The following KCTD1 variants were observed in gnomAD, a reference collection of about 807,000 sequenced individuals.
KCTD1 encodes BTB/POZ domain-containing protein KCTD1.
A neutral mutation model predicts 66.0 loss-of-function variants in KCTD1; 24 were observed. That is an observed-to-expected ratio of 0.36 (90% confidence interval 0.26 to 0.51). The LOEUF is 0.51. KCTD1 is among the 20% of genes least tolerant of loss of function. The pLI is 0.95. For synonymous variants in KCTD1, 511 were observed against 517.2 expected, an observed-to-expected ratio of 0.99 and a Z score of 0.16; for missense variants, 943 against 1,205.2, an observed-to-expected ratio of 0.78 and a Z score of 3.22.
At chr18:26,586,544 G>C (rs1226343189) in intron 1 of KCTD1, among the ~76,000 whole-genome samples, 2 of 152,300 alleles carry the variant, frequency 1.3e-5, no homozygotes, top group East Asian at 3.9e-4. Context: ...TAAAAAACTA[G>C]AAATGATGAA....
chr18:26,587,512 T>C (rs1986497457), intron 1 of KCTD1, among the ~76,000 whole-genome samples: 1 of 152,220 alleles, frequency 6.6e-6, no homozygotes, highest in South Asian at 2.1e-4. Flanking sequence ...TCTTATTATT[T>C]AAGAAATCCA....
intron 1 of KCTD1, among the ~76,000 whole-genome samples, chr18:26,537,098 G>A (rs567286525): frequency 2.0e-5 from 3 of 152,096 alleles, no homozygotes; most frequent in Non-Finnish European, 2.9e-5. Context: ...AGCATAATCA[G>A]CTTTCTAATG....
At chr18:26,584,405 T>C (rs1986425838) in intron 1 of KCTD1, among the ~76,000 whole-genome samples, 1 of 152,256 alleles carries the variant, frequency 6.6e-6, no homozygotes, top group African/African-American at 2.4e-5. Flanking sequence ...AATGTATTAA[T>C]AAAATTAATT....
At chr18:26,570,191 A>T (rs866723127) in intron 1 of KCTD1, among the ~76,000 whole-genome samples, 320 of 132,550 alleles carry the variant, frequency 2.4e-3, no homozygotes, top group African/African-American at 8.1e-3. Flanking sequence ...ATCTAAAAAA[A>T]ATATATATAT....
intron 1 of KCTD1, among the ~76,000 whole-genome samples, chr18:26,612,978 A>T (rs1987169126): frequency 1.3e-5 from 2 of 152,062 alleles, no homozygotes; most frequent in African/African-American, 4.8e-5. Context: ...TTTGATTTTT[A>T]ATTGTACAGT....
At chr18:26,525,456 C>T (rs1182385257) in intron 1 of KCTD1, among the ~76,000 whole-genome samples, 1 of 152,196 alleles carries the variant, frequency 6.6e-6, no homozygotes, top group Non-Finnish European at 1.5e-5. Context: ...CAACTAACTG[C>T]TCCACCTCAC....
chr18:26,657,113 C>T (rs554609894), intron 1 of KCTD1, among the ~76,000 whole-genome samples: 5 of 151,828 alleles, frequency 3.3e-5, no homozygotes, highest in Non-Finnish European at 7.4e-5. Flanking sequence ...CTCCGCCCTG[C>T]TCTCGCCAGC....
intron 1 of KCTD1, among the ~76,000 whole-genome samples, chr18:26,553,996 TAAAA>T (rs1048072429): frequency 1.5e-4 from 13 of 88,996 alleles, no homozygotes; most frequent in African/African-American, 4.5e-4. Context: ...AAAGAAAAGA[TAAAA>T]AGAAAAAAGA....
intron 1 of KCTD1, among the ~76,000 whole-genome samples, chr18:26,589,885 A>G (rs1986557389): frequency 6.6e-6 from 1 of 152,168 alleles, no homozygotes; most frequent in Non-Finnish European, 1.5e-5. Context: ...GGGAAGAAAC[A>G]GCATCTTCTC....
At chr18:26,480,929 C>T (rs1206732120) in intron 2 of KCTD1, among the ~76,000 whole-genome samples, 1 of 152,136 alleles carries the variant, frequency 6.6e-6, no homozygotes, top group Non-Finnish European at 1.5e-5. Context: ...AAAGAATGGT[C>T]TTAAGTCAAA....
Position 26,575,117 on chromosome 18 carries a change from G to C in KCTD1, c.-16+54030C>G, listed in dbSNP as rs369238588. Among the ~76,000 whole-genome samples the C allele has an allele frequency of 1.4e-3, 217 of 152,186 alleles. 8 individuals are homozygous for C. The South Asian group carries it at 0.044, about 31-fold the overall frequency. ...ACATCCATCTTGTCTTAAATGCTGA[G>C]ACTCCTGTTGCAGAAAGAAACAGGT... On this transcript the variant is annotated intron_variant, in intron 1 of 4. Coordinates refer to the KCTD1 transcript ENST00000317932.
At chr18:26,602,040 G>T (rs1301075969) in intron 1 of KCTD1, among the ~76,000 whole-genome samples, 3 of 152,090 alleles carry the variant, frequency 2.0e-5, no homozygotes, top group Non-Finnish European at 4.4e-5. Flanking sequence ...GAATGGAAGT[G>T]ATGAGAACAG....
In KCTD1 at chr18:26,455,334, C is replaced by CAA. The variant is rs1239350515; in HGVS notation, c.*407_*408dup. 1.3e-5 allele frequency: 2 copies of CAA among 152,454 alleles called. No individual in the cohort carries two copies. The highest frequency in any genetic ancestry group is 4.8e-5 in the African/African-American group (2 of 41,288). 9.4% of individuals were successfully genotyped at this position (152,454 alleles called of 1,614,324 possible). A position where few individuals can be genotyped will look rare whatever the true frequency, so the allele number is the denominator to read the frequency against. On this transcript the variant is annotated 3_prime_UTR_variant, in exon 5 of 5. Coordinates refer to ENST00000580059, the MANE Select transcript of KCTD1 (RefSeq NM_001142730.3). ...TTTAAAAAAAAAGGAAAAAGAAAGACAAAGGAAAAAAGAAATATGGATGGC... is the reference window on the plus strand; with the variant it reads ...TTTAAAAAAAAAGGAAAAAGAAAGACAAAAAGGAAAAAAGAAATATGGATGGC...
chr18:26,625,821 T>G (rs542004483), intron 1 of KCTD1, among the ~76,000 whole-genome samples: 1 of 152,278 alleles, frequency 6.6e-6, no homozygotes, highest in African/African-American at 2.4e-5. Context: ...CCTAACAGGA[T>G]CCAGCATTTC....
intron 1 of KCTD1, among the ~76,000 whole-genome samples, chr18:26,528,486 G>T (rs1794655037): frequency 6.6e-6 from 1 of 152,084 alleles, no homozygotes; most frequent in Non-Finnish European, 1.5e-5. Flanking sequence ...TTCTAAACAG[G>T]TTCAGGTCCT....
intron 1 of KCTD1, among the ~76,000 whole-genome samples, chr18:26,593,412 G>C (rs1272830201): frequency 2.8e-5 from 3 of 106,854 alleles, no homozygotes; most frequent in Non-Finnish European, 6.0e-5. Context: ...AGATGAGGAG[G>C]AGAAGGAAGA....
At chr18:26,501,034 T>C (rs765901384) in intron 2 of KCTD1, 38 bp downstream of exon 2, 42 of 1,599,936 alleles carry the variant, frequency 2.6e-5, no homozygotes, top group Non-Finnish European at 3.3e-5. Flanking sequence ...ACCAAATACA[T>C]GCACGTCGGA....
intron 1 of KCTD1, among the ~76,000 whole-genome samples, chr18:26,513,511 A>G (rs561191406): frequency 4.5e-4 from 69 of 152,352 alleles, no homozygotes; most frequent in African/African-American, 1.5e-3. Flanking sequence ...CACTTCTAAC[A>G]GTGTTGACAT....
upstream of KCTD1, chr18:26,549,946 G>A (rs923496981): frequency 3.2e-6 from 1 of 315,100 alleles, no homozygotes. Context: ...CCCGGCCCAG[G>A]GGCAGCTTCC....
Sources: gnomAD v4.1 joint callset for allele counts (sites outside exome capture counted in the v4.1 genomes callset) on GRCh38, gnomAD v4.1.1 for gene constraint, MANE v1.5 for transcripts, NCBI Gene and HGNC (gene_info 2026-07-23, HGNC 2026-07-21) for gene names.